Variants in ZNF385C observed in about 807,000 individuals in gnomAD.
The protein encoded by ZNF385C is zinc finger protein 385C.
In ZNF385C, 28 loss-of-function variants were observed where a neutral mutation model predicts 35.4. The observed-to-expected ratio is 0.79, with a 90% CI of 0.59 to 1.08. The LOEUF (loss-of-function observed/expected upper bound fraction) is 1.08. Ranked by LOEUF, ZNF385C falls within the 50% of genes least tolerant of loss-of-function variation. The probability of loss-of-function intolerance (pLI) is 0.00; values close to 1 mark genes in which losing one functional copy is unlikely to be tolerated. For synonymous variants in ZNF385C, 248 were observed against 248.2 expected, an observed-to-expected ratio of 1.00 and a Z score of 0.01; for missense variants, 605 against 595.6, an observed-to-expected ratio of 1.02 and a Z score of -0.16.
chr17:42,094,556 G>T (rs1337229644), intron 1 of ZNF385C, among the ~76,000 whole-genome samples: 4 of 152,300 alleles, frequency 2.6e-5, no homozygotes, highest in African/African-American at 9.6e-5. Context: ...AGCTAGACGG[G>T]TGGAGAGGAG....
intron 2 of ZNF385C, among the ~76,000 whole-genome samples, chr17:42,060,721 T>C (rs2053447276): frequency 6.6e-6 from 1 of 152,078 alleles, no homozygotes; most frequent in South Asian, 2.1e-4. Flanking sequence ...TCTATTTTTA[T>C]TTTATTTTTT....
chr17:42,042,274 C>T (rs1555656203), intron 2 of ZNF385C, among the ~76,000 whole-genome samples: 2 of 152,120 alleles, frequency 1.3e-5, no homozygotes, highest in African/African-American at 4.8e-5. Context: ...ATAATACCAG[C>T]ACTTTGGAAG....
Position 42,027,607 on chromosome 17 carries a change from G to A in ZNF385C, c.1275+11C>T, listed in dbSNP as rs2052619593. ...GACCCAGTCCCAGCTCTGTTGCCTG[G>A]AGACAGATACCTTGAGGATACTCAC... On this transcript the variant is annotated intron_variant, in intron 8 of 8. Transcript: ENST00000692273. 3 of 1,553,016 alleles carry A rather than the reference G, an allele frequency of 1.9e-6. No homozygotes were observed. Among genetic ancestry groups the A allele is most frequent in the Non-Finnish European group, 2.6e-6 (3 of 1,152,434 alleles).
chr17:42,075,029 C>T (rs1350010490), intron 1 of ZNF385C, among the ~76,000 whole-genome samples: 1 of 152,194 alleles, frequency 6.6e-6, no homozygotes, highest in Admixed American at 6.5e-5. Context: ...CCCTATAATG[C>T]TTGCATAATG....
At chr17:42,091,248 G>A (rs1240446269) in intron 1 of ZNF385C, among the ~76,000 whole-genome samples, 8 of 152,132 alleles carry the variant, frequency 5.3e-5, no homozygotes, top group Non-Finnish European at 1.2e-4. Flanking sequence ...ACCAATCTGG[G>A]CAACAGAGGG....
At chr17:42,041,648 C>T (rs2053024968) in intron 2 of ZNF385C, among the ~76,000 whole-genome samples, 4 of 152,138 alleles carry the variant, frequency 2.6e-5, no homozygotes, top group South Asian at 4.1e-4. Context: ...GGGTCTCCCT[C>T]CACTGTCCAG....
At chr17:42,080,308 T>C (rs1194983221) in intron 1 of ZNF385C, among the ~76,000 whole-genome samples, 2 of 152,110 alleles carry the variant, frequency 1.3e-5, no homozygotes, top group African/African-American at 4.8e-5. Context: ...CAGAAGGTGT[T>C]GGGAAGGAAA....
At chr17:42,039,080 GTC>G (rs1344303522) in intron 2 of ZNF385C, 2 of 152,216 alleles carry the variant, frequency 1.3e-5, no homozygotes, top group East Asian at 3.9e-4. Flanking sequence ...GTGAAACCCT[GTC>G]TCTACTAAAA....
intron 2 of ZNF385C, among the ~76,000 whole-genome samples, chr17:42,058,842 A>G (rs932255808): frequency 2.6e-5 from 4 of 152,168 alleles, no homozygotes; most frequent in Non-Finnish European, 4.4e-5. Flanking sequence ...TTTTTAGTAG[A>G]GATGGGGTTT....
chr17:42,078,185 T>A (rs1209697952), intron 1 of ZNF385C, among the ~76,000 whole-genome samples: 1 of 152,086 alleles, frequency 6.6e-6, no homozygotes, highest in African/African-American at 2.4e-5. Context: ...GGCCTCAGTT[T>A]CCCTGGCGGT....
At chr17:42,040,995 C>T in intron 2 of ZNF385C, 1 of 1,232,290 alleles carries the variant, frequency 8.1e-7, no homozygotes, top group Non-Finnish European at 1.0e-6. Context: ...CAGCAGTGGC[C>T]TCGCCCTCCT....
chr17:42,028,978 CA>C lies in ZNF385C; in HGVS notation c.771del (p.Ala258ProfsTer34). ...REPAHSELLD[A>X]ASSSSSSSCP... Reference sequence around the variant, plus strand: ...CAGGAGGAAGAAGAGGATGAGGAGGCAGCATCCAAGAGCTCTGAGTGGGCTG... The same window carrying C: ...CAGGAGGAAGAAGAGGATGAGGAGGCGCATCCAAGAGCTCTGAGTGGGCTG... On this transcript the variant is annotated frameshift_variant, in exon 6 of 9. Transcript: ENST00000692273. LOFTEE classifies it high-confidence loss of function. The C allele has an allele frequency of 6.4e-7, 1 of 1,550,606 alleles. No homozygotes were observed. The highest frequency in any genetic ancestry group is 8.7e-7 in the Non-Finnish European group (1 of 1,147,018).
intron 2 of ZNF385C, among the ~76,000 whole-genome samples, chr17:42,053,197 C>G (rs2053315518): frequency 6.6e-6 from 1 of 152,334 alleles, no homozygotes; most frequent in South Asian, 2.1e-4. Flanking sequence ...ACTCTGCCCC[C>G]AGTCGCACTG....
chr17:42,038,094 C>T (rs2052908330), intron 2 of ZNF385C: 1 of 1,531,360 alleles, frequency 6.5e-7, no homozygotes, highest in Non-Finnish European at 8.7e-7. Flanking sequence ...AGGGAGTCCA[C>T]AGTTGAGGCT....
At chr17:42,031,382 T>C (rs2052724991) in intron 5 of ZNF385C, among the ~76,000 whole-genome samples, 1 of 152,144 alleles carries the variant, frequency 6.6e-6, no homozygotes, top group Non-Finnish European at 1.5e-5. Context: ...AAATGAATAC[T>C]TCAAGGTAAT....
At chr17:42,030,516 C>T (rs566129483) in intron 5 of ZNF385C, among the ~76,000 whole-genome samples, 2 of 151,770 alleles carry the variant, frequency 1.3e-5, no homozygotes, top group African/African-American at 4.8e-5. Flanking sequence ...ACAAAAAAAA[C>T]CCACAAAACA....
chr17:42,048,266 G>C (rs192031151), intron 2 of ZNF385C, among the ~76,000 whole-genome samples: 2 of 151,806 alleles, frequency 1.3e-5, no homozygotes, highest in Non-Finnish European at 2.9e-5. Flanking sequence ...GGCTGGATGT[G>C]GTGGCTCACA....
At chr17:42,027,572 C>CT (rs1555654378) in intron 8 of ZNF385C, 46 bp downstream of exon 8, 2 of 1,048,364 alleles carry the variant, frequency 1.9e-6, no homozygotes. Flanking sequence ...AGCCCACCCT[C>CT]TCCCCTCCTG....
At position 42,095,516 on chromosome 17, in the gene ZNF385C, GCT is replaced by G. The variant is rs1230840525; in HGVS notation, c.-3+2892_-3+2893del. Among the ~76,000 whole-genome samples, 8 of 152,214 alleles carry G rather than the reference GCT, an allele frequency of 5.3e-5. No homozygotes were observed. The East Asian group carries it at 1.5e-3, about 29-fold the overall frequency. ...CCTCCTGCTGCTGCGGCCCCATTTA[GCT>G]CTCTCCTTGCTCCTGGGGTCCAGTG... On this transcript the variant is annotated intron_variant, in intron 1 of 8. Coordinates refer to ENST00000692273, the MANE Select transcript of ZNF385C (RefSeq NM_001392013.1). The surrounding 1 kb of genome is among the most constrained non-coding windows in gnomAD (Gnocchi z 4.4).
Sources: allele counts gnomAD v4.1 joint callset (sites outside exome capture counted in the v4.1 genomes callset), GRCh38; gene constraint gnomAD v4.1.1; non-coding constraint Gnocchi (gnomAD v3.1); transcripts MANE v1.5; gene names NCBI Gene and HGNC (gene_info 2026-07-23, HGNC 2026-07-21).